Variants in PKHD1L1 observed in about 807,000 individuals in gnomAD.
PKHD1L1 encodes PKHD1 like 1.
PKHD1L1 carries 434 observed loss-of-function variants against 462.9 expected under a neutral mutation model. The ratio of observed to expected loss-of-function variants is 0.94; its 90% CI spans 0.87 to 1.02. PKHD1L1 has a LOEUF of 1.02. Among genes scored for constraint, PKHD1L1 ranks in the 50% least tolerant of loss-of-function variants. The pLI is 0.00. For missense variants in PKHD1L1, 5,202 were observed against 5,096.1 expected (o/e 1.02, Z -0.63); for synonymous variants, 1,781 against 1,750.0 (o/e 1.02, Z -0.44).
rs563298676 is a variant in PKHD1L1, at chr8:109,484,501, G to C, written c.9577-543G>C. Among the ~76,000 whole-genome samples the C allele has an allele frequency of 2.0e-5, 3 of 152,026 alleles. No individual in the cohort carries two copies. In the South Asian group the frequency reaches 6.2e-4, roughly 31 times the overall value. On this transcript the variant is annotated intron_variant, in intron 57 of 77. Transcript: ENST00000378402. ...GTGATAGAGACTGCCATGGCAAAGA[G>C]TAGCAGATAACATTGAATATTCCAG...
rs1812385524 is a variant in PKHD1L1 at position 109,385,390 on chromosome 8, T to C, written c.476-147T>C. 4 of 497,096 alleles carry C rather than the reference T, an allele frequency of 8.0e-6. No homozygotes were observed. In the South Asian group the frequency reaches 1.4e-4, roughly 17 times the overall value. 30.8% of individuals were successfully genotyped at this position (497,096 alleles called of 1,614,324 possible). On this transcript the variant is annotated intron_variant, in intron 5 of 77. Transcript: ENST00000378402. ...TATTTTATTGTGTTTGCTAGAACTT[T>C]CAGAACAATGCTAAACAATAGTGGC...
chr8:109,492,090 T>C, intron 62 of PKHD1L1, 96 bp downstream of exon 62: 1 of 1,016,514 alleles, frequency 9.8e-7, no homozygotes, highest in South Asian at 3.1e-5. Context: ...GTGAATGCAC[T>C]TTTAAAAAGA....
At chr8:109,442,886 C>T (rs1815882846) in intron 35 of PKHD1L1, 60 bp from the exon 36 acceptor site, 1 of 1,492,360 alleles carries the variant, frequency 6.7e-7, no homozygotes, top group Non-Finnish European at 9.3e-7. Context: ...TGTTTTCAGT[C>T]TCTTTTCAAA....
rs375470517 is a variant in PKHD1L1 at position 109,454,731 on chromosome 8, A to C, written c.6753A>C (p.Thr2251=). The C allele has an allele frequency of 2.9e-5, 47 of 1,613,754 alleles. No homozygotes were observed. In the African/African-American group the frequency reaches 5.1e-4, roughly 17 times the overall value. The change falls in exon 45 of 78, where the codon ACA becomes ACC. Residue 2251 remains threonine (T), a synonymous_variant. Transcript: ENST00000378402. The part of the protein sequence containing the change: ...ITDGGVLQIG[T]ETSPFQHKAV... ...TGTGACATCTTTTGCAGATTGGAAC[A>C]GAGACATCCCCATTCCAACACAAGG... is the stretch of plus-strand genomic sequence containing the variant.
chr8:109,410,715 C>A (rs376827456), intron 19 of PKHD1L1, among the ~76,000 whole-genome samples: 1 of 90,904 alleles, frequency 1.1e-5, no homozygotes, highest in Non-Finnish European at 2.1e-5. Flanking sequence ...TTTTTCTTTT[C>A]TTTTCTTTTT....
chr8:109,405,692 T>C (rs546589370), intron 16 of PKHD1L1, among the ~76,000 whole-genome samples: 1 of 127,034 alleles, frequency 7.9e-6, no homozygotes, highest in Non-Finnish European at 1.7e-5. Context: ...TGTTGGGGGG[T>C]GGGGTCGGCA....
intron 76 of PKHD1L1, among the ~76,000 whole-genome samples, chr8:109,525,769 G>GA (rs1002961283): frequency 5.5e-4 from 84 of 152,080 alleles, no homozygotes; most frequent in African/African-American, 2.0e-3. Flanking sequence ...AATGCAAAAA[G>GA]AAAAAAATTT....
chr8:109,508,795 C>G (rs73313185), intron 70 of PKHD1L1, among the ~76,000 whole-genome samples: 1 of 152,064 alleles, frequency 6.6e-6, no homozygotes, highest in Non-Finnish European at 1.5e-5. Context: ...GCTGGTCAAG[C>G]TCTAGCATCA....
chr8:109,514,275 C>T (rs1221699883), intron 71 of PKHD1L1, among the ~76,000 whole-genome samples: 2 of 152,164 alleles, frequency 1.3e-5, no homozygotes, highest in Admixed American at 1.3e-4. Context: ...TTGCTTGGCT[C>T]TCCCAAGTTA....
intron 68 of PKHD1L1, among the ~76,000 whole-genome samples, chr8:109,507,068 A>G (rs187060139): frequency 8.9e-4 from 136 of 152,316 alleles, no homozygotes; most frequent in Admixed American, 2.9e-3. Flanking sequence ...TAATAAACAC[A>G]ATCCAAGTTT....
In PKHD1L1 at chr8:109,400,078, G is replaced by A; in HGVS notation, c.1015G>A (p.Gly339Arg). 3 of 1,608,410 alleles carry A rather than the reference G, an allele frequency of 1.9e-6. No individual in the cohort carries two copies. In the South Asian group the frequency reaches 3.3e-5, roughly 18 times the overall value. ...PHILKTVYPGGRGLKLEVWNN... is the reference protein window; with the variant it reads ...PHILKTVYPGRRGLKLEVWNN... The stretch of plus-strand genomic sequence containing the variant: ...TTATTTTATTTCATTACACTTAGGA[G>A]GGAGAGGCCTGAAGCTTGAGGTGTG... Residue 339 changes from glycine to arginine, a missense_variant and splice_region_variant, in exon 13 of 78, where the codon GGG becomes AGG. Gly to Arg is a moderately radical substitution (Grantham distance 125). Transcript: ENST00000378402.
chr8:109,400,855 G>C (rs1463435229), intron 13 of PKHD1L1, among the ~76,000 whole-genome samples: 7 of 151,936 alleles, frequency 4.6e-5, no homozygotes, highest in African/African-American at 1.7e-4. Context: ...TGTATTTGGG[G>C]TTACTTTGTT....
chr8:109,444,063 G>A (rs1815972363), intron 37 of PKHD1L1, among the ~76,000 whole-genome samples, 161 bp downstream of exon 37: 1 of 151,824 alleles, frequency 6.6e-6, no homozygotes, highest in African/African-American at 2.4e-5. Context: ...TTTTAGCATA[G>A]GCCCAGAGTT....
At chr8:109,519,912 TA>T (rs1332511674) in intron 73 of PKHD1L1, among the ~76,000 whole-genome samples, 1 of 152,158 alleles carries the variant, frequency 6.6e-6, no homozygotes, top group Non-Finnish European at 1.5e-5. Context: ...AGGCTCTGTG[TA>T]AACCTGGGTA....
chr8:109,443,023 T>C lies in PKHD1L1; in HGVS notation c.4471T>C (p.Phe1491Leu). Residue 1491 changes from phenylalanine to leucine, a missense_variant, in exon 36 of 78, where the codon TTT (phenylalanine) becomes CTT (leucine). By Grantham distance (22) the Phe-to-Leu change is conservative (BLOSUM62 0). This residue lies in a region of PKHD1L1 where 4,497 missense variants were observed against 4,336.8 expected (regional missense o/e 1.04). Transcript: ENST00000378402. ...GTATGTTGATGAGGCTCACTCCATT[T>C]TTCTCCAAGGAGTCATTAATGTTTT... ...SGYVDEAHSI[F>L]LQGVINVLPA... The C allele has an allele frequency of 1.9e-6, 3 of 1,613,760 alleles. No homozygotes were observed. The highest frequency in any genetic ancestry group is 2.5e-6 in the Non-Finnish European group (3 of 1,179,674).
intron 4 of PKHD1L1, among the ~76,000 whole-genome samples, chr8:109,383,685 C>T (rs1268653644): frequency 2.6e-5 from 4 of 151,444 alleles, no homozygotes; most frequent in Non-Finnish European, 5.9e-5. Context: ...TTTCCCCAGA[C>T]GTGGAACTCT....
Position 109,523,382 on chromosome 8 carries a change from A to G in PKHD1L1, c.12480A>G (p.Arg4160=). Residue 4160 remains arginine, a synonymous_variant, in exon 76 of 78, where the codon AGA becomes AGG. Coordinates refer to ENST00000378402, the MANE Select transcript of PKHD1L1 (RefSeq NM_177531.6). ...WANYTDLTPL[R]TGKNYKIEFI... Reference sequence around the variant, plus strand: ...ACTACACAGACCTTACTCCCCTTAGAACAGGTGGGTGCACTATTTTGGATC... The same window carrying G: ...ACTACACAGACCTTACTCCCCTTAGGACAGGTGGGTGCACTATTTTGGATC... 1 of 1,610,850 alleles carries G rather than the reference A, an allele frequency of 6.2e-7. No homozygotes were observed. Among genetic ancestry groups the G allele is most frequent in the East Asian group, 2.2e-5 (1 of 44,856 alleles).
chr8:109,530,472 A>G lies in PKHD1L1; in HGVS notation c.*382A>G, dbSNP rs556683931. ...TTTTAAGTATTCTTTTTAATACTTG[A>G]GGGGGGGGGTTCTTATTTTCTCTAT... On this transcript the variant is annotated 3_prime_UTR_variant, in exon 78 of 78. Transcript: ENST00000378402. 4.8e-3 allele frequency: 727 copies of G among 151,444 alleles called. 5 individuals are homozygous for G. The highest frequency in any genetic ancestry group is 0.048 in the Middle Eastern group (14 of 292). The allele number at this position is 151,444 out of a possible 1,614,324, so 9.4% of individuals were successfully genotyped here. A position where few individuals can be genotyped will look rare whatever the true frequency, so the allele number is the denominator to read the frequency against.
intron 16 of PKHD1L1, 91 bp downstream of exon 16, chr8:109,405,221 A>G: frequency 1.3e-6 from 1 of 796,744 alleles, no homozygotes; most frequent in Non-Finnish European, 1.8e-6. Flanking sequence ...CACTGTCTGG[A>G]AAATATAGTT....
Sources: allele counts gnomAD v4.1 joint callset (sites outside exome capture counted in the v4.1 genomes callset), GRCh38; gene constraint gnomAD v4.1.1; regional missense constraint gnomAD v4.1.1; transcripts MANE v1.5; gene names NCBI Gene and HGNC (gene_info 2026-07-23, HGNC 2026-07-21).